CALN1: variants seen among roughly 807,000 people sequenced by gnomAD.
CALN1 encodes calcium-binding protein 8.
A neutral mutation model predicts 30.6 loss-of-function variants in CALN1; 17 were observed. That is an observed-to-expected ratio of 0.56 (90% CI 0.38 to 0.83). The LOEUF is 0.83. CALN1 is among the 40% of genes least tolerant of loss of function. The pLI is 0.00. For synonymous variants in CALN1, 156 were observed against 131.4 expected (o/e 1.19, Z -1.28); for missense variants, 291 against 354.9 (o/e 0.82, Z 1.45).
At chr7:72,409,809 G>C (rs1304388784) in intron 1 of CALN1, among the ~76,000 whole-genome samples, 1 of 152,076 alleles carries the variant, frequency 6.6e-6, no homozygotes. Flanking sequence ...AATCACCAAG[G>C]AACGTTCCCT....
At chr7:72,390,501 C>G (rs1267877644) in intron 2 of CALN1, among the ~76,000 whole-genome samples, 1 of 152,152 alleles carries the variant, frequency 6.6e-6, no homozygotes, top group Non-Finnish European at 1.5e-5. Context: ...CTGAGAAACT[C>G]ACCAGCCAGG....
At chr7:72,466,495 G>A in the CALN1 span, among the ~76,000 whole-genome samples, 1 of 152,146 alleles carries the variant, frequency 6.6e-6, no homozygotes, top group Non-Finnish European at 1.5e-5. Context: ...TGTAATCCCA[G>A]CACTTTGGGA....
At chr7:72,373,788 G>C (rs916436824) in intron 2 of CALN1, among the ~76,000 whole-genome samples, 2 of 152,172 alleles carry the variant, frequency 1.3e-5, no homozygotes. Context: ...ATCAGAAACA[G>C]AGTAAGTCCC....
chr7:72,499,714 T>C, the CALN1 span, among the ~76,000 whole-genome samples: 2 of 152,178 alleles, frequency 1.3e-5, no homozygotes, highest in Non-Finnish European at 2.9e-5. Flanking sequence ...AAAAAATTAT[T>C]TTTTAAGAAT....
intron 5 of CALN1, among the ~76,000 whole-genome samples, chr7:71,870,381 TAA>T (rs35582248): frequency 8.4e-5 from 12 of 142,766 alleles, no homozygotes; most frequent in Non-Finnish European, 9.3e-5. Flanking sequence ...AAACTCCATC[TAA>T]AAAAAAAAAA....
chr7:72,319,182 T>C (rs770736794), intron 2 of CALN1, among the ~76,000 whole-genome samples: 18 of 152,202 alleles, frequency 1.2e-4, no homozygotes, highest in Non-Finnish European at 2.1e-4. Context: ...TATAGACATA[T>C]ATATTCTGTA....
At chr7:72,478,674 G>T in the CALN1 span, among the ~76,000 whole-genome samples, 1 of 151,900 alleles carries the variant, frequency 6.6e-6, no homozygotes, top group East Asian at 1.9e-4. Context: ...TGCTTCCCCT[G>T]CTGCCTCCAT....
At chr7:72,491,819 T>A in the CALN1 span, among the ~76,000 whole-genome samples, 1 of 152,308 alleles carries the variant, frequency 6.6e-6, no homozygotes, top group East Asian at 1.9e-4. Context: ...CCAGAGGCCC[T>A]GAAAGAACAC....
At chr7:72,203,983 T>TTTTTTTTC (rs1791637823) in intron 3 of CALN1, among the ~76,000 whole-genome samples, 3 of 60,540 alleles carry the variant, frequency 5.0e-5, no homozygotes, top group African/African-American at 1.7e-4. Flanking sequence ...CTCTCTCTTT[T>TTTTTTTTC]TTTTTTTTTT....
At position 71,784,854 on chromosome 7, in the gene CALN1, T is replaced by C. The variant is rs1488814207; in HGVS notation, c.*2921A>G. ...CATGGGAGACCAGGACCTTCTGGAA[T>C]CTTCAGCCGTGAGCTTCATAGCCAC... On this transcript the variant is annotated 3_prime_UTR_variant, in exon 7 of 7. Transcript: ENST00000395275. 1.3e-5 allele frequency: 5 copies of C among 398,552 alleles called. No homozygotes were observed. The highest frequency in any genetic ancestry group is 2.2e-5 in the Non-Finnish European group (5 of 226,126). 24.7% of individuals were successfully genotyped at this position (398,552 alleles called of 1,614,324 possible). A position where few individuals can be genotyped will look rare whatever the true frequency, so the allele number is the denominator to read the frequency against.
chr7:72,405,148 T>C (rs974691731), intron 1 of CALN1, among the ~76,000 whole-genome samples: 2 of 152,130 alleles, frequency 1.3e-5, no homozygotes, highest in Non-Finnish European at 2.9e-5. Context: ...TGTCCTGCGA[T>C]TGGGCCGGCA....
At chr7:72,042,540 G>A (rs1392434382) in intron 4 of CALN1, among the ~76,000 whole-genome samples, 1 of 152,100 alleles carries the variant, frequency 6.6e-6, no homozygotes, top group Admixed American at 6.6e-5. Context: ...GGTCATGCAG[G>A]CACTCTCTGC....
rs111705413 is a variant in CALN1 at position 72,027,726 on chromosome 7, AACAC to A, written c.389-3961_389-3958del. On this transcript the variant is annotated intron_variant, in intron 4 of 6. Transcript: ENST00000395275. ...GACCCTGTCTCAAAACAAACAAACAAACACACACACACACACACACACACACACA... is the reference window on the plus strand; with the variant it reads ...GACCCTGTCTCAAAACAAACAAACAAACACACACACACACACACACACACA... Among the ~76,000 whole-genome samples, 677 of 143,160 alleles carry A rather than the reference AACAC, an allele frequency of 4.7e-3. 5 individuals carry two copies. The highest frequency in any genetic ancestry group is 0.014 in the East Asian group (65 of 4,684). The allele number at this position is 143,160 out of a possible 152,430, so 93.9% of individuals were successfully genotyped here.
rs151090877 is a variant in CALN1 at position 71,979,000 on chromosome 7, C to T, written c.501+44657G>A. Among the ~76,000 whole-genome samples, 46 of 152,272 alleles carry T rather than the reference C, an allele frequency of 3.0e-4. No homozygotes were observed. The East Asian group carries it at 5.0e-3, about 17-fold the overall frequency. On this transcript the variant is annotated intron_variant, in intron 5 of 6. Transcript: ENST00000395275. Reference sequence around the variant, plus strand: ...AGAACAGCCTTTGAAGCCACAGTGTCTCCCTCCAGAGAAAGTGCAAATTTA... The same window carrying T: ...AGAACAGCCTTTGAAGCCACAGTGTTTCCCTCCAGAGAAAGTGCAAATTTA...
At chr7:71,893,098 G>A (rs903027045) in intron 5 of CALN1, among the ~76,000 whole-genome samples, 1 of 152,062 alleles carries the variant, frequency 6.6e-6, no homozygotes, top group Non-Finnish European at 1.5e-5. Context: ...ACTGTTAACA[G>A]CCCACATTTT....
At chr7:71,987,871 G>T (rs142753925) in intron 5 of CALN1, among the ~76,000 whole-genome samples, 78 of 152,252 alleles carry the variant, frequency 5.1e-4, no homozygotes, top group African/African-American at 1.8e-3. Flanking sequence ...ATATAGCTGG[G>T]AGTGGAGAAG....
intron 6 of CALN1, 68 bp downstream of exon 6, chr7:71,810,261 CGCATTTT>C: frequency 6.7e-7 from 1 of 1,484,860 alleles, no homozygotes. Flanking sequence ...TGTGTGTGAA[CGCATTTT>C]TCATATAGAG....
chr7:71,914,377 C>G (rs1794583801), intron 5 of CALN1, among the ~76,000 whole-genome samples: 1 of 152,228 alleles, frequency 6.6e-6, no homozygotes, highest in South Asian at 2.1e-4. Flanking sequence ...TTGCGAAGGA[C>G]ATGATCTCAT....
rs540835472 is a variant in CALN1 at position 72,336,294 on chromosome 7, C to T, written c.120-57484G>A. Reference sequence around the variant, plus strand: ...CCTGGGCTGCGGTGCGGCTCCGAGTCCCCTGCCCTCCCTCCCCATCGCCCG... The same window carrying T: ...CCTGGGCTGCGGTGCGGCTCCGAGTTCCCTGCCCTCCCTCCCCATCGCCCG... On this transcript the variant is annotated intron_variant, in intron 2 of 6. Transcript: ENST00000395275. 3.3e-5 allele frequency among the ~76,000 whole-genome samples: 5 copies of T among 152,220 alleles called. No individual in the cohort carries two copies. The South Asian group carries it at 8.3e-4, about 25-fold the overall frequency.
Sources: gnomAD v4.1 joint callset for allele counts (sites outside exome capture counted in the v4.1 genomes callset) on GRCh38, gnomAD v4.1.1 for gene constraint, MANE v1.5 for transcripts, NCBI Gene and HGNC (gene_info 2026-07-23, HGNC 2026-07-21) for gene names.